AGFG1: variants seen among roughly 807,000 people sequenced by gnomAD.
AGFG1 encodes the protein ArfGAP with FG repeats 1, also known as arf-GAP domain and FG repeat-containing protein 1.
A neutral mutation model predicts 60.6 loss-of-function variants in AGFG1; 10 were observed. That is an observed-to-expected ratio of 0.16 (90% CI 0.10 to 0.28). The LOEUF (loss-of-function observed/expected upper bound fraction) is 0.28, where lower values mean the gene tolerates loss of function less well. AGFG1 is among the 10% of genes least tolerant of loss of function. The pLI is 1.00. For missense variants in AGFG1, 537 were observed against 676.5 expected (o/e 0.79, Z 2.29); for synonymous variants, 247 against 242.9 (o/e 1.02, Z -0.16).
intron 10 of AGFG1, among the ~76,000 whole-genome samples, chr2:227,549,784 T>G (rs567651335): frequency 1.3e-5 from 2 of 152,326 alleles, no homozygotes; most frequent in East Asian, 3.9e-4. Context: ...TTGATGCCTA[T>G]TTGTTTAAAA....
At chr2:227,540,664 A>G (rs1575110791) in intron 10 of AGFG1, among the ~76,000 whole-genome samples, 3 of 152,174 alleles carry the variant, frequency 2.0e-5, no homozygotes, top group South Asian at 4.1e-4. Context: ...GTACGTGTGC[A>G]TGTGTCTTTA....
chr2:227,538,976 G>A (rs1692396374), intron 10 of AGFG1, among the ~76,000 whole-genome samples: 1 of 152,068 alleles, frequency 6.6e-6, no homozygotes, highest in Non-Finnish European at 1.5e-5. Flanking sequence ...TATCACGTTG[G>A]TCACCTTTAT....
At chr2:227,489,061 C>T (rs1690720213) in intron 1 of AGFG1, among the ~76,000 whole-genome samples, 1 of 151,850 alleles carries the variant, frequency 6.6e-6, no homozygotes, top group Admixed American at 6.6e-5. Context: ...GTGATCTTTC[C>T]ACCTTGGCCT....
chr2:227,535,229 G>A (rs769215391), intron 8 of AGFG1, among the ~76,000 whole-genome samples: 1 of 152,082 alleles, frequency 6.6e-6, no homozygotes, highest in Non-Finnish European at 1.5e-5. Context: ...TGAATCAGAC[G>A]TTTTGTTATG....
intron 2 of AGFG1, among the ~76,000 whole-genome samples, chr2:227,500,522 TG>T (rs566717346): frequency 5.8e-4 from 89 of 152,282 alleles, no homozygotes; most frequent in African/African-American, 1.9e-3. Context: ...ACTCTGGACT[TG>T]GGTAGAGAAT....
intron 2 of AGFG1, among the ~76,000 whole-genome samples, chr2:227,492,648 T>C (rs1044761015): frequency 2.6e-5 from 4 of 152,110 alleles, no homozygotes; most frequent in Non-Finnish European, 4.4e-5. Flanking sequence ...TGAGGAAATA[T>C]AAATTCACAG....
Position 227,536,997 on chromosome 2 carries a change from A to G in AGFG1, c.1378+4A>G. The G allele has an allele frequency of 6.2e-7, 1 of 1,610,424 alleles. No individual in the cohort carries two copies. Among genetic ancestry groups the G allele is most frequent in the Non-Finnish European group, 8.5e-7 (1 of 1,177,632 alleles). Reference sequence around the variant, plus strand: ...ACCAATGCCAGAGGAGCAACAGGTAAGAAAAAGAGACAGTGGAACAGTAAG... The same window carrying G: ...ACCAATGCCAGAGGAGCAACAGGTAGGAAAAAGAGACAGTGGAACAGTAAG... On this transcript the variant is annotated splice_donor_region_variant and intron_variant, in intron 10 of 12. Transcript: ENST00000310078.
intron 1 of AGFG1, 50 bp downstream of exon 1, chr2:227,472,638 G>A: frequency 1.3e-6 from 2 of 1,534,546 alleles, no homozygotes; most frequent in East Asian, 2.8e-5. Context: ...GGGAGGTGGG[G>A]GAGCGGGCGG....
At chr2:227,500,790 A>T (rs538607046) in intron 2 of AGFG1, among the ~76,000 whole-genome samples, 8,301 of 149,840 alleles carry the variant, frequency 0.055, 292 homozygotes, top group African/African-American at 0.092. Context: ...AAATTAAATT[A>T]AAAAAAAAAT....
chr2:227,499,781 C>T (rs1691094295), intron 2 of AGFG1, among the ~76,000 whole-genome samples: 1 of 152,182 alleles, frequency 6.6e-6, no homozygotes, highest in Non-Finnish European at 1.5e-5. Context: ...GGCCTCAGGC[C>T]AGGTAGTTAT....
intron 2 of AGFG1, among the ~76,000 whole-genome samples, chr2:227,505,361 T>C (rs1043982926): frequency 2.0e-5 from 3 of 152,224 alleles, no homozygotes; most frequent in Non-Finnish European, 2.9e-5. Flanking sequence ...CATTTTTCAT[T>C]TACCAAATTG....
chr2:227,517,602 A>G (rs1470428803), intron 2 of AGFG1, among the ~76,000 whole-genome samples: 1 of 152,322 alleles, frequency 6.6e-6, no homozygotes. Flanking sequence ...ATTTGGGGAC[A>G]TGATAGGAAA....
At chr2:227,539,581 C>T (rs1453443095) in intron 10 of AGFG1, among the ~76,000 whole-genome samples, 3 of 151,408 alleles carry the variant, frequency 2.0e-5, no homozygotes, top group Non-Finnish European at 4.4e-5. Context: ...ACATGGCGAA[C>T]CCCGTTTCTA....
At chr2:227,503,716 G>A (rs970955926) in intron 2 of AGFG1, among the ~76,000 whole-genome samples, 3 of 152,178 alleles carry the variant, frequency 2.0e-5, no homozygotes, top group African/African-American at 7.2e-5. Context: ...TCACTGTGGT[G>A]GAGAGTGAAA....
intron 2 of AGFG1, among the ~76,000 whole-genome samples, chr2:227,500,178 T>C (rs927428586): frequency 1.3e-5 from 2 of 152,154 alleles, no homozygotes; most frequent in Non-Finnish European, 2.9e-5. Flanking sequence ...GTTTGGGTAG[T>C]AGTAGCCAAA....
chr2:227,492,857 T>A (rs1438034755), intron 2 of AGFG1, among the ~76,000 whole-genome samples: 1 of 152,056 alleles, frequency 6.6e-6, no homozygotes, highest in Non-Finnish European at 1.5e-5. Flanking sequence ...AATATATATA[T>A]TGATTAAAAT....
chr2:227,526,647 A>G (rs952010101), intron 5 of AGFG1, among the ~76,000 whole-genome samples: 3 of 149,408 alleles, frequency 2.0e-5, no homozygotes, highest in African/African-American at 7.5e-5. Flanking sequence ...GGTTCAGCCA[A>G]TTCTCCTGCC....
At chr2:227,483,115 A>T (rs1038631438) in intron 1 of AGFG1, among the ~76,000 whole-genome samples, 2 of 151,968 alleles carry the variant, frequency 1.3e-5, no homozygotes, top group African/African-American at 4.8e-5. Context: ...AATAGTTATG[A>T]CTAATATGAC....
chr2:227,538,883 T>A (rs890126383), intron 10 of AGFG1, among the ~76,000 whole-genome samples: 1 of 152,134 alleles, frequency 6.6e-6, no homozygotes, highest in African/African-American at 2.4e-5. Flanking sequence ...GTAACAAAAA[T>A]TTATTAGAAA....
Sources: allele counts gnomAD v4.1 joint callset (sites outside exome capture counted in the v4.1 genomes callset), GRCh38; gene constraint gnomAD v4.1.1; transcripts MANE v1.5; gene names NCBI Gene and HGNC (gene_info 2026-07-23, HGNC 2026-07-21).